The following KANSL1 variants were observed in gnomAD, a reference collection of about 807,000 sequenced individuals.
KANSL1 encodes MLL1/MLL complex subunit KANSL1.
Under a neutral mutation model 103.6 loss-of-function variants are expected in KANSL1, and 22 were observed. The ratio of observed to expected loss-of-function variants is 0.21; its 90% CI spans 0.15 to 0.30. KANSL1 has a LOEUF of 0.30. Ranked by LOEUF, KANSL1 falls within the 10% of genes least tolerant of loss-of-function variation. The pLI is 1.00. For missense variants in KANSL1, 1,337 were observed against 1,399.8 expected (o/e 0.96, Z 0.72); for synonymous variants, 600 against 527.6 (o/e 1.14, Z -1.88).
intron 2 of KANSL1, among the ~76,000 whole-genome samples, chr17:46,131,581 C>A (rs1284352816): frequency 6.6e-6 from 1 of 152,210 alleles, no homozygotes; most frequent in Non-Finnish European, 1.5e-5. Flanking sequence ...ATCTTCATCA[C>A]ATGAATTACT....
At chr17:46,045,015 A>G (rs1443349831) in intron 7 of KANSL1, 1 of 146,176 alleles carries the variant, frequency 6.8e-6, no homozygotes, top group Non-Finnish European at 1.5e-5. Flanking sequence ...CCTTGTTATG[A>G]AAAAAAAAAA....
At chr17:46,081,537 G>A (rs1325241000) in intron 4 of KANSL1, among the ~76,000 whole-genome samples, 1 of 152,130 alleles carries the variant, frequency 6.6e-6, no homozygotes, top group East Asian at 1.9e-4. Flanking sequence ...TAGCAACAGT[G>A]GCTGGCTTTC....
chr17:46,175,475 G>T (rs1026251130), intron 1 of KANSL1, among the ~76,000 whole-genome samples: 1 of 151,984 alleles, frequency 6.6e-6, no homozygotes, highest in Non-Finnish European at 1.5e-5. Flanking sequence ...TCAGCCTCCC[G>T]AGTAGCTGGG....
chr17:46,064,497 A>G (rs2078301886), intron 6 of KANSL1, among the ~76,000 whole-genome samples: 1 of 151,680 alleles, frequency 6.6e-6, no homozygotes, highest in South Asian at 2.1e-4. Context: ...CCATGCTTTA[A>G]TTCACCTTTC....
At chr17:46,107,840 A>T (rs2042635510) in intron 2 of KANSL1, among the ~76,000 whole-genome samples, 1 of 152,218 alleles carries the variant, frequency 6.6e-6, no homozygotes, top group South Asian at 2.1e-4. Flanking sequence ...GGATCTGTTC[A>T]GGTCAAAAAC....
At position 46,032,245 on chromosome 17, in the gene KANSL1, G is replaced by A; in HGVS notation, c.2892C>T (p.Pro964=). 2 of 1,569,884 alleles carry A rather than the reference G, an allele frequency of 1.3e-6. No individual in the cohort carries two copies. The highest frequency in any genetic ancestry group is 1.7e-6 in the Non-Finnish European group (2 of 1,154,740). The change falls in exon 14 of 15, where the codon CCC becomes CCT. Residue 964 remains proline, a synonymous_variant. Coordinates refer to ENST00000432791, the MANE Select transcript of KANSL1 (RefSeq NM_015443.4). ...CAGGGGAGGCAGGCTGGGGGGTGGA[G>A]GGGTTGGCACTGCCCAGCTGGGGGG... is the stretch of plus-strand genomic sequence containing the variant. ...RTTPQLGSAN[P]STPQPASPDV...
intron 2 of KANSL1, among the ~76,000 whole-genome samples, chr17:46,128,949 G>A (rs1001793564): frequency 2.0e-5 from 3 of 152,228 alleles, no homozygotes; most frequent in Admixed American, 6.5e-5. Context: ...GGGAGGCTGC[G>A]AAGGTTGTCC....
At chr17:46,195,382 G>C (rs1287247039), upstream of KANSL1, among the ~76,000 whole-genome samples, 1 of 152,226 alleles carries the variant, frequency 6.6e-6, no homozygotes, top group Non-Finnish European at 1.5e-5. Context: ...AATGGATTAG[G>C]AGAAAACTGG....
intron 2 of KANSL1, among the ~76,000 whole-genome samples, chr17:46,106,889 G>A (rs2042590732): frequency 6.6e-6 from 1 of 152,214 alleles, no homozygotes; most frequent in African/African-American, 2.4e-5. Flanking sequence ...AGGTGGTGTA[G>A]ACTCTATTCT....
At chr17:46,154,538 T>A (rs980082508) in intron 2 of KANSL1, among the ~76,000 whole-genome samples, 1 of 152,110 alleles carries the variant, frequency 6.6e-6, no homozygotes, top group Admixed American at 6.5e-5. Context: ...TGCCTCAGCA[T>A]CCCAAAGCAC....
At position 46,031,116 on chromosome 17, in the gene KANSL1, A is replaced by AGCCCTCT. The variant is rs113448888; in HGVS notation, c.*359_*360insAGAGGGC. On this transcript the variant is annotated 3_prime_UTR_variant, in exon 15 of 15. Coordinates refer to ENST00000432791, the MANE Select transcript of KANSL1 (RefSeq NM_015443.4). Reference sequence around the variant, plus strand: ...GCTCAAGAAGGCCATGCTAAACTGTAGCCCGCCAGGCTGTTCTGCCCTGCC... The same window carrying AGCCCTCT: ...GCTCAAGAAGGCCATGCTAAACTGTAGCCCTCTGCCCGCCAGGCTGTTCTGCCCTGCC... The AGCCCTCT allele has an allele frequency of 0.14, 38,735 of 273,302 alleles. 3,792 individuals are homozygous for AGCCCTCT. Among genetic ancestry groups the AGCCCTCT allele is most frequent in the Non-Finnish European group, 0.2 (27,732 of 139,920 alleles). 16.9% of individuals were successfully genotyped at this position (273,302 alleles called of 1,614,324 possible). A position where few individuals can be genotyped will look rare whatever the true frequency, so the allele number is the denominator to read the frequency against.
chr17:46,167,158 A>G (rs958502755), intron 2 of KANSL1, among the ~76,000 whole-genome samples: 3 of 152,134 alleles, frequency 2.0e-5, no homozygotes, highest in Admixed American at 2.0e-4. Flanking sequence ...TGGAAAAAAA[A>G]TATTATTTTA....
At chr17:46,147,094 G>C (rs1219034146) in intron 2 of KANSL1, among the ~76,000 whole-genome samples, 1 of 152,156 alleles carries the variant, frequency 6.6e-6, no homozygotes, top group African/African-American at 2.4e-5. Flanking sequence ...AAGAGCCAAT[G>C]AATTGACTAA....
chr17:46,036,927 G>C (rs1348387734), intron 10 of KANSL1, among the ~76,000 whole-genome samples: 1 of 152,060 alleles, frequency 6.6e-6, no homozygotes, highest in African/African-American at 2.4e-5. Context: ...GGCCAGGATG[G>C]TCTCGAACTC....
Position 46,171,640 on chromosome 17 carries a change from A to T in KANSL1, c.504T>A (p.Ser168=). ...AKKLTKSSTH[S]DHDNSTSLNG... ...TGAGGGAAGTGGAATTGTCATGATCAGAATGTGTTGAACTTTTAGTCAATT... is the reference window on the plus strand; with the variant it reads ...TGAGGGAAGTGGAATTGTCATGATCTGAATGTGTTGAACTTTTAGTCAATT... Residue 168 remains serine, a synonymous_variant, in exon 2 of 15, where the codon TCT becomes TCA. Transcript: ENST00000432791. 6.4e-7 allele frequency: 1 copy of T among 1,562,132 alleles called. No individual in the cohort carries two copies. Among genetic ancestry groups the T allele is most frequent in the Non-Finnish European group, 8.6e-7 (1 of 1,158,744 alleles).
intron 1 of KANSL1, among the ~76,000 whole-genome samples, chr17:46,179,100 C>G (rs1399853126): frequency 6.6e-6 from 1 of 152,194 alleles, no homozygotes; most frequent in African/African-American, 2.4e-5. Context: ...TTTCCACCCA[C>G]TAGATGCTAG....
intron 4 of KANSL1, among the ~76,000 whole-genome samples, chr17:46,078,292 G>C (rs7213852): frequency 6.6e-6 from 1 of 152,162 alleles, no homozygotes; most frequent in Non-Finnish European, 1.5e-5. Flanking sequence ...GTTGGAATTC[G>C]AACTCCAAAT....
chr17:46,053,303 A>T (rs2077792693), intron 6 of KANSL1, among the ~76,000 whole-genome samples: 1 of 152,104 alleles, frequency 6.6e-6, no homozygotes, highest in African/African-American at 2.4e-5. Context: ...TTAAAAATTT[A>T]AAAAAATAAA....
chr17:46,076,020 A>T (rs62060841), intron 4 of KANSL1, among the ~76,000 whole-genome samples: 21,803 of 152,278 alleles, frequency 0.14, 2,132 homozygotes, highest in Non-Finnish European at 0.22. Flanking sequence ...GGTTCTACTT[A>T]GTCTTTCAGA....
Sources: gnomAD v4.1 joint callset for allele counts (sites outside exome capture counted in the v4.1 genomes callset) on GRCh38, gnomAD v4.1.1 for gene constraint, MANE v1.5 for transcripts, NCBI Gene and HGNC (gene_info 2026-07-23, HGNC 2026-07-21) for gene names.